TRABD2B: variants seen among roughly 807,000 people sequenced by gnomAD.
TRABD2B encodes TraB domain containing 2B.
Under a neutral mutation model 40.1 loss-of-function variants are expected in TRABD2B, and 14 were observed. The ratio of observed to expected loss-of-function variants is 0.35; its 90% CI spans 0.23 to 0.55. The LOEUF is 0.55. TRABD2B is among the 20% of genes least tolerant of loss of function. The probability of loss-of-function intolerance (pLI) is 0.90; values close to 1 mark genes in which losing one functional copy is unlikely to be tolerated. For synonymous variants in TRABD2B, 263 were observed against 277.0 expected (o/e 0.95, Z 0.50); for missense variants, 541 against 648.6 (o/e 0.83, Z 1.80).
At chr1:47,773,310 C>A (rs1335172208) in intron 6 of TRABD2B, among the ~76,000 whole-genome samples, 2 of 152,256 alleles carry the variant, frequency 1.3e-5, no homozygotes, top group African/African-American at 2.4e-5. Context: ...CCCTCACTCC[C>A]GATTAGAAGG....
At chr1:47,844,350 C>T (rs1182572203) in intron 2 of TRABD2B, among the ~76,000 whole-genome samples, 1 of 152,144 alleles carries the variant, frequency 6.6e-6, no homozygotes, top group Non-Finnish European at 1.5e-5. Flanking sequence ...TATACGAGGT[C>T]CATATGAGTT....
chr1:47,986,793 C>T (rs531160156), intron 2 of TRABD2B, among the ~76,000 whole-genome samples: 120 of 152,276 alleles, frequency 7.9e-4, no homozygotes, highest in African/African-American at 2.9e-3. Flanking sequence ...TGTGTTCCAG[C>T]GGATATAGTG....
chr1:47,976,696 GC>G (rs1415823974), intron 2 of TRABD2B, among the ~76,000 whole-genome samples: 1 of 152,150 alleles, frequency 6.6e-6, no homozygotes, highest in Non-Finnish European at 1.5e-5. Context: ...ACATCTTTGA[GC>G]ACCTGAGGTA....
At chr1:47,871,086 G>A (rs747189080) in intron 2 of TRABD2B, among the ~76,000 whole-genome samples, 3 of 152,154 alleles carry the variant, frequency 2.0e-5, no homozygotes, top group Non-Finnish European at 4.4e-5. Context: ...CTTTACATGT[G>A]TTGACTCTTC....
intron 2 of TRABD2B, among the ~76,000 whole-genome samples, chr1:47,817,822 C>T (rs1437202485): frequency 3.3e-5 from 5 of 152,208 alleles, no homozygotes; most frequent in African/African-American, 9.6e-5. Context: ...TGTCCAGAGC[C>T]GCTCTCAGGG....
intron 2 of TRABD2B, among the ~76,000 whole-genome samples, chr1:47,879,452 A>G (rs1290717528): frequency 3.2e-4 from 48 of 152,244 alleles, no homozygotes; most frequent in Admixed American, 3.1e-3. Flanking sequence ...GTCTAGGAGC[A>G]ATAGGCTATA....
chr1:47,812,137 C>A (rs1202603132), intron 2 of TRABD2B, among the ~76,000 whole-genome samples: 1 of 152,206 alleles, frequency 6.6e-6, no homozygotes, highest in Non-Finnish European at 1.5e-5. Flanking sequence ...TTCTATTCTT[C>A]AGTAACTACC....
intron 2 of TRABD2B, among the ~76,000 whole-genome samples, chr1:47,895,287 G>A (rs1447901473): frequency 1.3e-5 from 2 of 152,008 alleles, no homozygotes; most frequent in Non-Finnish European, 2.9e-5. Flanking sequence ...CCCAACACCC[G>A]CTTCTCACTG....
chr1:47,968,928 T>C (rs1645641383), intron 2 of TRABD2B, among the ~76,000 whole-genome samples: 1 of 152,184 alleles, frequency 6.6e-6, no homozygotes, highest in African/African-American at 2.4e-5. Context: ...AGTAATAACA[T>C]GCTGAATGAA....
rs182670181 is a variant in TRABD2B at position 47,921,507 on chromosome 1, G to A, written c.666+72527C>T. Among the ~76,000 whole-genome samples, 453 of 152,170 alleles carry A rather than the reference G, an allele frequency of 3.0e-3. 4 individuals are homozygous for A. Among genetic ancestry groups the A allele is most frequent in the African/African-American group, 0.011 (438 of 41,514 alleles). ...AAATGAAGTCACTGTTTCCCTCCAG[G>A]CATCCCAGATGTCTCTCTCTTCCCA... On this transcript the variant is annotated intron_variant, in intron 2 of 6. Coordinates refer to ENST00000606738, the MANE Select transcript of TRABD2B (RefSeq NM_001194986.2).
intron 2 of TRABD2B, among the ~76,000 whole-genome samples, chr1:47,878,778 A>G (rs72894282): frequency 0.031 from 4,702 of 152,228 alleles, 258 homozygotes; most frequent in African/African-American, 0.11. Flanking sequence ...GTATTCACAA[A>G]TAAATAAGCA....
intron 2 of TRABD2B, among the ~76,000 whole-genome samples, chr1:47,823,594 G>C (rs1156912766): frequency 1.1e-4 from 16 of 152,218 alleles, no homozygotes; most frequent in Admixed American, 9.8e-4. Context: ...GGGGCTGTCA[G>C]AGCAGGGGGA....
At chr1:47,987,922 G>A (rs887284488) in intron 2 of TRABD2B, among the ~76,000 whole-genome samples, 2 of 152,216 alleles carry the variant, frequency 1.3e-5, no homozygotes, top group African/African-American at 4.8e-5. Context: ...GCCAGCCTGT[G>A]TTTAATTCCA....
chr1:47,979,513 C>T (rs954656235), intron 2 of TRABD2B, among the ~76,000 whole-genome samples: 1 of 152,142 alleles, frequency 6.6e-6, no homozygotes, highest in Non-Finnish European at 1.5e-5. Context: ...GGGGGCTGAG[C>T]GAGGGGAGGG....
intron 2 of TRABD2B, among the ~76,000 whole-genome samples, chr1:47,965,863 G>C (rs1195492915): frequency 2.0e-5 from 3 of 152,156 alleles, no homozygotes; most frequent in Non-Finnish European, 4.4e-5. Context: ...ATGGAGAATA[G>C]AGCAGGAAAG....
intron 2 of TRABD2B, among the ~76,000 whole-genome samples, chr1:47,971,725 G>C (rs760044339): frequency 3.9e-5 from 6 of 152,140 alleles, no homozygotes; most frequent in Admixed American, 3.9e-4. Flanking sequence ...CCTGGATACA[G>C]CCTCAAACAA....
chr1:47,903,783 T>C (rs1002216646), intron 2 of TRABD2B, among the ~76,000 whole-genome samples: 5 of 152,246 alleles, frequency 3.3e-5, no homozygotes, highest in Non-Finnish European at 7.3e-5. Flanking sequence ...GAATGGCTGC[T>C]AAATCCTGCA....
At chr1:47,910,160 G>C (rs1237076041) in intron 2 of TRABD2B, among the ~76,000 whole-genome samples, 1 of 152,006 alleles carries the variant, frequency 6.6e-6, no homozygotes, top group Non-Finnish European at 1.5e-5. Context: ...GTGCCTGGCA[G>C]GGATCATGTT....
chr1:47,973,512 T>G (rs1645710878), intron 2 of TRABD2B, among the ~76,000 whole-genome samples: 1 of 152,180 alleles, frequency 6.6e-6, no homozygotes, highest in Non-Finnish European at 1.5e-5. Flanking sequence ...AAGTACTGTG[T>G]GTATACTCGT....
Sources: allele counts gnomAD v4.1 joint callset (sites outside exome capture counted in the v4.1 genomes callset), GRCh38; gene constraint gnomAD v4.1.1; transcripts MANE v1.5; gene names NCBI Gene and HGNC (gene_info 2026-07-23, HGNC 2026-07-21).